The following DIP2B variants were observed in gnomAD, a reference collection of about 807,000 sequenced individuals.
DIP2B encodes disco-interacting protein 2 homolog B.
In DIP2B, 76 loss-of-function variants were observed where a neutral mutation model predicts 198.0. That is an observed-to-expected ratio of 0.38 (90% CI 0.32 to 0.46). The LOEUF (loss-of-function observed/expected upper bound fraction) is 0.46, where lower values mean the gene tolerates loss of function less well. Among genes scored for constraint, DIP2B ranks in the 20% least tolerant of loss-of-function variants. The pLI is 0.99. For synonymous variants in DIP2B, 701 were observed against 739.1 expected, an observed-to-expected ratio of 0.95 and a Z score of 0.84; for missense variants, 1,559 against 1,978.4, an observed-to-expected ratio of 0.79 and a Z score of 4.02.
chr12:50,636,699 G>A (rs1005458943), intron 2 of DIP2B, among the ~76,000 whole-genome samples: 2 of 152,080 alleles, frequency 1.3e-5, no homozygotes, highest in Non-Finnish European at 2.9e-5. Flanking sequence ...TCCCTGCATC[G>A]GCTACTCTGA....
chr12:50,713,856 G>T (rs1006097384), intron 22 of DIP2B, among the ~76,000 whole-genome samples: 2 of 151,942 alleles, frequency 1.3e-5, no homozygotes, highest in African/African-American at 4.8e-5. Context: ...ATCACTTGAG[G>T]CCATGAGTTC....
chr12:50,590,364 T>C (rs1033331368), intron 1 of DIP2B, among the ~76,000 whole-genome samples: 7 of 150,576 alleles, frequency 4.6e-5, no homozygotes, highest in Non-Finnish European at 8.9e-5. Flanking sequence ...GCCCAAGGAG[T>C]GATTTTTTTT....
intron 1 of DIP2B, among the ~76,000 whole-genome samples, chr12:50,573,664 A>C (rs1476908193): frequency 6.6e-6 from 1 of 152,206 alleles, no homozygotes; most frequent in East Asian, 1.9e-4. Flanking sequence ...TGATTGGCAT[A>C]GTTCAAACAG....
intron 1 of DIP2B, among the ~76,000 whole-genome samples, chr12:50,552,668 C>G (rs1958436901): frequency 6.6e-6 from 1 of 151,722 alleles, no homozygotes. Flanking sequence ...TGATATAGTC[C>G]CATTTATCTT....
intron 12 of DIP2B, among the ~76,000 whole-genome samples, chr12:50,688,845 G>A (rs1026788337): frequency 5.3e-5 from 8 of 152,032 alleles, no homozygotes; most frequent in South Asian, 2.1e-4. Flanking sequence ...TTGGCTCTCC[G>A]AAAGGTGGAG....
At chr12:50,539,017 A>G (rs922115708) in intron 1 of DIP2B, among the ~76,000 whole-genome samples, 2 of 152,138 alleles carry the variant, frequency 1.3e-5, no homozygotes, top group African/African-American at 4.8e-5. Flanking sequence ...ACTGTTTTTA[A>G]TATGGGATGC....
chr12:50,593,464 T>A (rs1262283721), intron 1 of DIP2B, among the ~76,000 whole-genome samples: 1 of 150,852 alleles, frequency 6.6e-6, no homozygotes, highest in East Asian at 2.0e-4. Flanking sequence ...GAGATCGCGC[T>A]GCTACACTCC....
intron 24 of DIP2B, 41 bp downstream of exon 24, chr12:50,718,859 A>C (rs765116419): frequency 6.2e-7 from 1 of 1,612,188 alleles, no homozygotes; most frequent in Non-Finnish European, 8.5e-7. Flanking sequence ...AGTCAAGTCA[A>C]GGACAGAACT....
chr12:50,645,058 A>G (rs1938326563), intron 3 of DIP2B, among the ~76,000 whole-genome samples: 1 of 152,232 alleles, frequency 6.6e-6, no homozygotes, highest in African/African-American at 2.4e-5. Flanking sequence ...TTTATACAAG[A>G]TGACACCATA....
intron 37 of DIP2B, among the ~76,000 whole-genome samples, chr12:50,742,234 CAAA>C (rs1400932108): frequency 6.6e-6 from 1 of 151,454 alleles, no homozygotes; most frequent in African/African-American, 2.4e-5. Context: ...CCCATCTCTA[CAAA>C]AAAATTAAAA....
chr12:50,739,243 A>G (rs563385978), intron 35 of DIP2B, among the ~76,000 whole-genome samples, 166 bp from the exon 36 acceptor site: 1 of 152,302 alleles, frequency 6.6e-6, no homozygotes, highest in Admixed American at 6.5e-5. Context: ...ATGGATGGAG[A>G]TTAGGTACAT....
chr12:50,715,206 G>GT (rs1227692389), intron 23 of DIP2B, among the ~76,000 whole-genome samples: 1 of 152,172 alleles, frequency 6.6e-6, no homozygotes, highest in Non-Finnish European at 1.5e-5. Context: ...TTGCTCTGGT[G>GT]TTTTGTCTGT....
At chr12:50,643,598 T>C (rs1282739931) in intron 3 of DIP2B, among the ~76,000 whole-genome samples, 1 of 152,072 alleles carries the variant, frequency 6.6e-6, no homozygotes, top group Admixed American at 6.6e-5. Flanking sequence ...AAGCATAGAC[T>C]TTGGGTGAAA....
chr12:50,517,436 C>A (rs185009551), intron 1 of DIP2B, among the ~76,000 whole-genome samples: 1 of 152,104 alleles, frequency 6.6e-6, no homozygotes, highest in African/African-American at 2.4e-5. Context: ...CATATCATTC[C>A]AGTGTTAGTT....
chr12:50,602,626 C>T (rs1374697144), intron 1 of DIP2B, among the ~76,000 whole-genome samples: 2 of 151,960 alleles, frequency 1.3e-5, no homozygotes, highest in Non-Finnish European at 1.5e-5. Context: ...TTTGGGAGGC[C>T]GAGGCTGGCG....
intron 1 of DIP2B, among the ~76,000 whole-genome samples, chr12:50,611,037 AC>A (rs1425905871): frequency 6.6e-6 from 1 of 151,836 alleles, no homozygotes; most frequent in Non-Finnish European, 1.5e-5. Flanking sequence ...TGACCTTGTG[AC>A]CCATCTACCT....
intron 1 of DIP2B, among the ~76,000 whole-genome samples, chr12:50,575,023 C>G (rs927673026): frequency 6.6e-6 from 1 of 152,290 alleles, no homozygotes; most frequent in East Asian, 1.9e-4. Flanking sequence ...ACATCTCTTT[C>G]ATTTTTAGTT....
chr12:50,709,546 G>A (rs1315928498), intron 22 of DIP2B, among the ~76,000 whole-genome samples: 1 of 152,042 alleles, frequency 6.6e-6, no homozygotes, highest in Non-Finnish European at 1.5e-5. Context: ...GCTGAGGCAG[G>A]AGAATGGCTT....
intron 2 of DIP2B, among the ~76,000 whole-genome samples, chr12:50,634,839 G>A (rs561759663): frequency 1.2e-3 from 190 of 152,204 alleles, no homozygotes; most frequent in Admixed American, 2.4e-3. Flanking sequence ...CAACTAAAAA[G>A]AAAGAGCATT....
Sources: allele counts gnomAD v4.1 joint callset (sites outside exome capture counted in the v4.1 genomes callset), GRCh38; gene constraint gnomAD v4.1.1; transcripts MANE v1.5; gene names NCBI Gene and HGNC (gene_info 2026-07-23, HGNC 2026-07-21).